The following PDE4B variants were observed in gnomAD, a reference collection of about 807,000 sequenced individuals.
PDE4B encodes phosphodiesterase 4B.
Under a neutral mutation model 82.2 loss-of-function variants are expected in PDE4B, and 20 were observed. The ratio of observed to expected loss-of-function variants is 0.24; its 90% CI spans 0.17 to 0.35. The LOEUF (loss-of-function observed/expected upper bound fraction) is 0.35. PDE4B is among the 10% of genes least tolerant of loss of function. The pLI is 1.00. For synonymous variants in PDE4B, 320 were observed against 318.9 expected (o/e 1.00, Z -0.04); for missense variants, 655 against 907.2 (o/e 0.72, Z 3.57).
chr1:66,003,433 A>G (rs1482835132), intron 3 of PDE4B, among the ~76,000 whole-genome samples: 1 of 152,190 alleles, frequency 6.6e-6, no homozygotes. Flanking sequence ...CACTTGTACC[A>G]ATAAGCTTAA....
chr1:66,126,538 T>A (rs1645827771), intron 3 of PDE4B, among the ~76,000 whole-genome samples: 1 of 152,148 alleles, frequency 6.6e-6, no homozygotes. Flanking sequence ...GAACAAAAAG[T>A]AAAATGATAA....
At chr1:66,352,342 A>G (rs1661898994) in intron 8 of PDE4B, among the ~76,000 whole-genome samples, 1 of 152,178 alleles carries the variant, frequency 6.6e-6, no homozygotes, top group Non-Finnish European at 1.5e-5. Context: ...AATGACTTGC[A>G]TGAGTACACT....
chr1:65,871,064 G>A (rs1432460060), intron 1 of PDE4B, among the ~76,000 whole-genome samples: 2 of 152,108 alleles, frequency 1.3e-5, no homozygotes, highest in African/African-American at 4.8e-5. Context: ...CCAGGGACAG[G>A]GGATGATGAC....
At chr1:66,154,529 A>G (rs1646464463) in intron 3 of PDE4B, among the ~76,000 whole-genome samples, 1 of 152,204 alleles carries the variant, frequency 6.6e-6, no homozygotes, top group Non-Finnish European at 1.5e-5. Flanking sequence ...TCTGTTGTCC[A>G]CTTTTTGGTT....
intron 2 of PDE4B, among the ~76,000 whole-genome samples, chr1:65,913,829 A>G (rs1647125095): frequency 6.6e-6 from 1 of 152,168 alleles, no homozygotes; most frequent in Non-Finnish European, 1.5e-5. Flanking sequence ...TAGCAGTATT[A>G]GCATTACCTG....
intron 1 of PDE4B, among the ~76,000 whole-genome samples, chr1:65,907,489 G>A (rs887911622): frequency 2.2e-4 from 34 of 152,130 alleles, no homozygotes; most frequent in Admixed American, 6.6e-4. Context: ...CTAGGTGGAT[G>A]TCGGGGCTGG....
At chr1:66,295,473 G>T (rs1177176220) in intron 7 of PDE4B, among the ~76,000 whole-genome samples, 1 of 152,078 alleles carries the variant, frequency 6.6e-6, no homozygotes, top group Non-Finnish European at 1.5e-5. Flanking sequence ...GTCTCACTCT[G>T]TCATGAGTGC....
chr1:66,007,332 T>G (rs985359607), intron 3 of PDE4B, among the ~76,000 whole-genome samples: 1 of 151,980 alleles, frequency 6.6e-6, no homozygotes, highest in African/African-American at 2.4e-5. Flanking sequence ...TAATTTCAGC[T>G]ACTTGGGAGG....
chr1:65,933,140 C>A (rs2100523312), intron 3 of PDE4B, among the ~76,000 whole-genome samples: 1 of 152,202 alleles, frequency 6.6e-6, no homozygotes, highest in Middle Eastern at 3.4e-3. Context: ...AAGAAACCTA[C>A]ACTGAGATAC....
chr1:66,349,480 A>G (rs1232282556), intron 8 of PDE4B, among the ~76,000 whole-genome samples: 1 of 152,170 alleles, frequency 6.6e-6, no homozygotes, highest in East Asian at 1.9e-4. Context: ...CTGGCACACC[A>G]AAGGTTTGCT....
At chr1:66,130,318 AT>A (rs1463129570) in intron 3 of PDE4B, among the ~76,000 whole-genome samples, 1 of 152,258 alleles carries the variant, frequency 6.6e-6, no homozygotes, top group Non-Finnish European at 1.5e-5. Flanking sequence ...AAAATGTGGC[AT>A]TTGTAAAACG....
At chr1:66,313,952 C>A (rs1189348350) in intron 7 of PDE4B, among the ~76,000 whole-genome samples, 11 of 152,042 alleles carry the variant, frequency 7.2e-5, no homozygotes, top group Admixed American at 7.2e-4. Flanking sequence ...CACATGTCTC[C>A]CCCTCCTCCC....
chr1:66,043,744 T>C (rs1292143831), intron 3 of PDE4B, among the ~76,000 whole-genome samples: 2 of 151,804 alleles, frequency 1.3e-5, no homozygotes, highest in Non-Finnish European at 2.9e-5. Context: ...TTGGAACTGT[T>C]TGACCTAACA....
chr1:65,898,183 T>C (rs77182197), intron 1 of PDE4B, among the ~76,000 whole-genome samples: 2,148 of 152,148 alleles, frequency 0.014, 47 homozygotes, highest in African/African-American at 0.05. Context: ...AATGGGGTCG[T>C]TTTTTGCTTG....
chr1:65,939,861 G>T (rs1648349988), intron 3 of PDE4B, among the ~76,000 whole-genome samples: 1 of 152,116 alleles, frequency 6.6e-6, no homozygotes, highest in African/African-American at 2.4e-5. Flanking sequence ...TGTGATGAAA[G>T]AGAGACTAGA....
At chr1:66,201,368 G>A (rs1648930101) in intron 3 of PDE4B, among the ~76,000 whole-genome samples, 1 of 152,108 alleles carries the variant, frequency 6.6e-6, no homozygotes, top group Non-Finnish European at 1.5e-5. Context: ...CATAAAATGA[G>A]TTAGGGAGGA....
intron 1 of PDE4B, among the ~76,000 whole-genome samples, chr1:65,841,645 T>A (rs112341324): frequency 1.9e-3 from 287 of 152,316 alleles, no homozygotes; most frequent in African/African-American, 6.3e-3. Context: ...TTTGAAAATA[T>A]GTTTTTTTAC....
chr1:66,036,813 C>T (rs1654089824), intron 3 of PDE4B, among the ~76,000 whole-genome samples: 1 of 152,090 alleles, frequency 6.6e-6, no homozygotes, highest in Non-Finnish European at 1.5e-5. Flanking sequence ...TATTTGGAGT[C>T]TTTTATGATT....
At chr1:66,361,150 G>A (rs1662731654) in intron 9 of PDE4B, among the ~76,000 whole-genome samples, 2 of 152,026 alleles carry the variant, frequency 1.3e-5, no homozygotes, top group South Asian at 2.1e-4. Context: ...AAAATAAGAT[G>A]AGCAGATCAT....
Sources: gnomAD v4.1 joint callset for allele counts (sites outside exome capture counted in the v4.1 genomes callset) on GRCh38, gnomAD v4.1.1 for gene constraint, MANE v1.5 for transcripts, NCBI Gene and HGNC (gene_info 2026-07-23, HGNC 2026-07-21) for gene names.